PCDHA4: variants seen among roughly 807,000 people sequenced by gnomAD.
PCDHA4 encodes protocadherin alpha-4.
In PCDHA4, 49 loss-of-function variants were observed where a neutral mutation model predicts 61.4. The ratio of observed to expected loss-of-function variants is 0.80; its 90% CI spans 0.63 to 1.01. PCDHA4 has a LOEUF of 1.01. PCDHA4 is among the 50% of genes least tolerant of loss of function. The pLI is 0.00. For synonymous variants in PCDHA4, 590 were observed against 550.3 expected, an observed-to-expected ratio of 1.07 and a Z score of -1.01; for missense variants, 1,254 against 1,235.8, an observed-to-expected ratio of 1.01 and a Z score of -0.22.
At chr5:140,823,139 C>T (rs1317356250) in intron 1 of PCDHA4, 2 of 1,613,696 alleles carry the variant, frequency 1.2e-6, no homozygotes, top group Admixed American at 1.7e-5. Context: ...CCGGCGTTCG[C>T]GCAGCCCCAG....
chr5:140,886,844 A>G (rs11748231), intron 1 of PCDHA4, among the ~76,000 whole-genome samples: 22,325 of 150,652 alleles, frequency 0.15, 1,711 homozygotes, highest in Middle Eastern at 0.2. Context: ...AAAAAAAAAA[A>G]AAAGAAAGGT....
chr5:140,828,219 C>A (rs2150152527), intron 1 of PCDHA4: 4 of 1,614,022 alleles, frequency 2.5e-6, no homozygotes, highest in East Asian at 2.2e-5. Context: ...AAACACGGCA[C>A]CTTCGTGGGC....
intron 1 of PCDHA4, chr5:140,929,687 C>T (rs2086294433): frequency 3.5e-6 from 1 of 288,138 alleles, no homozygotes; most frequent in African/African-American, 2.2e-5. Flanking sequence ...ATGTAAGAGT[C>T]TGCTTTATAT....
intron 1 of PCDHA4, among the ~76,000 whole-genome samples, chr5:140,899,416 G>T (rs1442946841): frequency 6.6e-6 from 1 of 152,148 alleles, no homozygotes; most frequent in Admixed American, 6.5e-5. Flanking sequence ...GTTGAATTTT[G>T]TCAAAGGTCT....
chr5:140,837,818 A>C (rs1775271725), intron 1 of PCDHA4, among the ~76,000 whole-genome samples: 1 of 151,624 alleles, frequency 6.6e-6, no homozygotes, highest in Admixed American at 6.6e-5. Flanking sequence ...CTGGGAATAC[A>C]GTTTGCATGT....
chr5:140,833,113 A>G (rs1554133763), intron 1 of PCDHA4, among the ~76,000 whole-genome samples: 1 of 152,250 alleles, frequency 6.6e-6, no homozygotes, highest in Non-Finnish European at 1.5e-5. Flanking sequence ...ACACTCTTCA[A>G]AGTCATTTGA....
chr5:140,824,610 GT>G (rs2150135229), intron 1 of PCDHA4: 1,308 of 95,098 alleles, frequency 0.014, 8 homozygotes, highest in East Asian at 0.019. Flanking sequence ...GCTAATTAAA[GT>G]TTTTTTTTTT....
Position 140,831,520 on chromosome 5 carries a change from CT to C in PCDHA4, c.2385+21972del, listed in dbSNP as rs2150195630. On this transcript the variant is annotated intron_variant, in intron 1 of 3. Coordinates refer to ENST00000530339, the MANE Select transcript of PCDHA4 (RefSeq NM_018907.4). ...ACACGAGCACCACCATGCCCCCCAC[CT>C]TTTTTTTTTTTTTTTTTTTTTTTAA... Among the ~76,000 whole-genome samples the C allele has an allele frequency of 5.3e-3, 643 of 122,360 alleles. 1 individual carries two copies. The highest frequency in any genetic ancestry group is 0.013 in the Middle Eastern group (3 of 240). The allele number at this position is 122,360 out of a possible 152,430, so 80.3% of individuals were successfully genotyped here. A position where few individuals can be genotyped will look rare whatever the true frequency, so the allele number is the denominator to read the frequency against.
intron 1 of PCDHA4, chr5:140,816,532 T>TGG (rs1399685020): frequency 3.3e-5 from 5 of 151,642 alleles, no homozygotes; most frequent in South Asian, 2.1e-4. Flanking sequence ...TGTGTGTGTG[T>TGG]GGGCACGCAC....
intron 1 of PCDHA4, among the ~76,000 whole-genome samples, chr5:140,911,222 T>G (rs2075377398): frequency 6.6e-6 from 1 of 152,204 alleles, no homozygotes; most frequent in African/African-American, 2.4e-5. Flanking sequence ...ATGAGAAAGC[T>G]GTTTCTTCTG....
intron 1 of PCDHA4, chr5:140,836,349 G>T (rs2150258385): frequency 6.2e-7 from 1 of 1,613,710 alleles, no homozygotes; most frequent in Non-Finnish European, 8.5e-7. Context: ...GGACCACGGG[G>T]AGCCCTCGCT....
chr5:140,951,546 G>A (rs962043182), intron 1 of PCDHA4, among the ~76,000 whole-genome samples: 9 of 151,942 alleles, frequency 5.9e-5, no homozygotes, highest in Non-Finnish European at 8.8e-5. Context: ...CAAGGGACGG[G>A]GGGAAGTGCT....
chr5:140,856,338 G>T lies in PCDHA4; in HGVS notation c.2385+46766G>T, dbSNP rs781903292. The T allele has an allele frequency of 3.9e-5, 62 of 1,598,498 alleles. 11 individuals are homozygous for T. In the Admixed American group the frequency reaches 1.0e-3, roughly 27 times the overall value. On this transcript the variant is annotated intron_variant, in intron 1 of 3. Coordinates refer to ENST00000530339, the MANE Select transcript of PCDHA4 (RefSeq NM_018907.4). ...ATTGACCGCGAGGAGCTGTGCGGGC[G>T]GAGCGTGGAGTGCAGCATCCACCTG...
chr5:140,933,865 A>G (rs918877939), intron 1 of PCDHA4, among the ~76,000 whole-genome samples: 14 of 151,864 alleles, frequency 9.2e-5, no homozygotes, highest in African/African-American at 1.4e-4. Flanking sequence ...TTTTTCAGAT[A>G]TATGTTAGTT....
In PCDHA4 at chr5:140,809,393, A is replaced by G. The variant is rs1764450776; in HGVS notation, c.2206A>G (p.Lys736Glu). The change falls in exon 1 of 4, where the codon AAG (lysine) becomes GAG (glutamate). Residue 736 changes from lysine to glutamate, a missense_variant. Lys to Glu is a moderately conservative substitution (Grantham distance 56, BLOSUM62 1). Coordinates refer to ENST00000530339, the MANE Select transcript of PCDHA4 (RefSeq NM_018907.4). ...CACCGAGGGCGCGTGCGCTCCGGGC[A>G]AGCCCACGCTGGTGTGCTCCAGTGC... is the stretch of plus-strand genomic sequence containing the variant. ...LPTEGACAPGKPTLVCSSAVG... is the reference protein window; with the variant it reads ...LPTEGACAPGEPTLVCSSAVG... 1 of 1,613,980 alleles carries G rather than the reference A, an allele frequency of 6.2e-7. No individual in the cohort carries two copies. Among genetic ancestry groups the G allele is most frequent in the Non-Finnish European group, 8.5e-7 (1 of 1,179,976 alleles).
intron 1 of PCDHA4, among the ~76,000 whole-genome samples, chr5:140,906,752 G>A (rs1328101001): frequency 6.6e-6 from 1 of 152,152 alleles, no homozygotes; most frequent in Non-Finnish European, 1.5e-5. Context: ...ACAGGGCATG[G>A]TAATACTAAG....
intron 1 of PCDHA4, among the ~76,000 whole-genome samples, chr5:140,924,235 G>C (rs1320085802): frequency 6.6e-6 from 1 of 152,208 alleles, no homozygotes; most frequent in Non-Finnish European, 1.5e-5. Flanking sequence ...TTTATGGGCT[G>C]TTTTGCATCC....
chr5:140,811,740 C>T (rs1264777389), intron 1 of PCDHA4: 1 of 152,194 alleles, frequency 6.6e-6, no homozygotes, highest in African/African-American at 2.4e-5. Context: ...TTGCATTTCT[C>T]TGATGACCAG....
chr5:140,952,058 T>A (rs889374877), intron 1 of PCDHA4, among the ~76,000 whole-genome samples: 7 of 151,978 alleles, frequency 4.6e-5, no homozygotes, highest in Non-Finnish European at 8.8e-5. Context: ...ATCTTAAAGC[T>A]CCAAATAATC....
Sources: gnomAD v4.1 joint callset for allele counts (sites outside exome capture counted in the v4.1 genomes callset) on GRCh38, gnomAD v4.1.1 for gene constraint, MANE v1.5 for transcripts, NCBI Gene and HGNC (gene_info 2026-07-23, HGNC 2026-07-21) for gene names.